The following EPHA3 variants were observed in gnomAD, a reference collection of about 807,000 sequenced individuals.
EPHA3 encodes ephrin type-A receptor 3.
A neutral mutation model predicts 107.1 loss-of-function variants in EPHA3; 42 were observed. The ratio of observed to expected loss-of-function variants is 0.39; its 90% CI spans 0.31 to 0.51. EPHA3 has a LOEUF of 0.51. Among genes scored for constraint, EPHA3 ranks in the 20% least tolerant of loss-of-function variants. The pLI, the probability that EPHA3 is intolerant of heterozygous loss-of-function variation, is 0.78. For synonymous variants in EPHA3, 461 were observed against 424.8 expected, an observed-to-expected ratio of 1.09 and a Z score of -1.05; for missense variants, 1,183 against 1,211.2, an observed-to-expected ratio of 0.98 and a Z score of 0.35.
At chr3:89,144,861 T>A (rs930693118) in intron 2 of EPHA3, among the ~76,000 whole-genome samples, 2 of 151,690 alleles carry the variant, frequency 1.3e-5, no homozygotes, top group African/African-American at 2.4e-5. Flanking sequence ...AAGTCCAGAA[T>A]AGGCATAATT....
intron 3 of EPHA3, among the ~76,000 whole-genome samples, chr3:89,257,971 C>T (rs1043833593): frequency 6.6e-5 from 10 of 152,132 alleles, no homozygotes; most frequent in Non-Finnish European, 1.0e-4. Flanking sequence ...AAATTAATTA[C>T]AAAGAGAATA....
At chr3:89,427,182 G>T (rs2107533031) in intron 11 of EPHA3, among the ~76,000 whole-genome samples, 1 of 151,924 alleles carries the variant, frequency 6.6e-6, no homozygotes, top group South Asian at 2.1e-4. Flanking sequence ...TCAAGTGGTT[G>T]TAACATGTAT....
intron 2 of EPHA3, among the ~76,000 whole-genome samples, chr3:89,134,177 C>G (rs1704262174): frequency 6.6e-6 from 1 of 151,690 alleles, no homozygotes; most frequent in East Asian, 1.9e-4. Flanking sequence ...GAATCAGCTT[C>G]TATGATCACT....
intron 10 of EPHA3, among the ~76,000 whole-genome samples, chr3:89,418,378 CTAAG>C (rs1008167127): frequency 6.6e-6 from 1 of 151,304 alleles, no homozygotes; most frequent in African/African-American, 2.4e-5. Context: ...GGTATCTGCT[CTAAG>C]TGAGCTCCAA....
intron 3 of EPHA3, among the ~76,000 whole-genome samples, chr3:89,220,041 G>T (rs1438780187): frequency 6.6e-6 from 1 of 152,062 alleles, no homozygotes; most frequent in Non-Finnish European, 1.5e-5. Context: ...GCTGAAGAAA[G>T]GGGTTGCTTA....
Position 89,144,243 on chromosome 3 carries a change from C to T in EPHA3, c.153+16970C>T, listed in dbSNP as rs562254783. On this transcript the variant is annotated intron_variant, in intron 2 of 16. Transcript: ENST00000336596. ...TGCTCCACCTACTCATTCCTTTCCT[C>T]CTCCCACTCATCCATGGCAACCACA... Among the ~76,000 whole-genome samples the T allele has an allele frequency of 3.3e-5, 5 of 151,798 alleles. No individual in the cohort carries two copies. In the South Asian group the frequency reaches 1.0e-3, roughly 31 times the overall value.
Position 89,207,225 on chromosome 3 carries a change from C to T in EPHA3, c.154-2635C>T, listed in dbSNP as rs192489302. ...GTCATGTTCCTTTGTTTGTAATTAC[C>T]GACAATTTAATAAATTAATATTTTA... On this transcript the variant is annotated intron_variant, in intron 2 of 16. Coordinates refer to ENST00000336596, the MANE Select transcript of EPHA3 (RefSeq NM_005233.6). Among the ~76,000 whole-genome samples the T allele has an allele frequency of 1.1e-3, 168 of 151,902 alleles. No homozygotes were observed. In the South Asian group the frequency reaches 0.018, roughly 16 times the overall value.
At chr3:89,268,516 G>T (rs1705588790) in intron 3 of EPHA3, among the ~76,000 whole-genome samples, 1 of 151,604 alleles carries the variant, frequency 6.6e-6, no homozygotes. Flanking sequence ...TGATATGTGT[G>T]GTCTATCTGG....
At chr3:89,134,226 A>T (rs59407555) in intron 2 of EPHA3, among the ~76,000 whole-genome samples, 15,697 of 149,390 alleles carry the variant, frequency 0.11, 829 homozygotes, top group Middle Eastern at 0.16. Context: ...TTTTTTTTTA[A>T]AAAAATTATA....
At chr3:89,362,510 C>T (rs1268716699) in intron 5 of EPHA3, among the ~76,000 whole-genome samples, 4 of 151,120 alleles carry the variant, frequency 2.6e-5, no homozygotes, top group Non-Finnish European at 5.9e-5. Flanking sequence ...TGCACACAGC[C>T]TACACTTTTT....
intron 3 of EPHA3, among the ~76,000 whole-genome samples, chr3:89,232,177 A>G (rs565331841): frequency 1.3e-5 from 2 of 152,120 alleles, no homozygotes; most frequent in Non-Finnish European, 1.5e-5. Context: ...TTGAGAGACT[A>G]AAATAACACA....
chr3:89,402,755 G>A (rs1708989437), intron 7 of EPHA3, among the ~76,000 whole-genome samples: 1 of 152,074 alleles, frequency 6.6e-6, no homozygotes, highest in South Asian at 2.1e-4. Flanking sequence ...GAATGCAGTG[G>A]TGAGATCTCA....
At chr3:89,429,602 T>C (rs2107535152) in intron 12 of EPHA3, among the ~76,000 whole-genome samples, 1 of 152,270 alleles carries the variant, frequency 6.6e-6, no homozygotes, top group East Asian at 1.9e-4. Context: ...GCTATAATGC[T>C]AAAGTATATA....
Position 89,236,891 on chromosome 3 carries a change from G to T in EPHA3, c.814+26371G>T, listed in dbSNP as rs1469732260. Among the ~76,000 whole-genome samples, 5 of 152,054 alleles carry T rather than the reference G, an allele frequency of 3.3e-5. No homozygotes were observed. The East Asian group carries it at 9.7e-4, about 29-fold the overall frequency. Reference sequence around the variant, plus strand: ...GTGTGTAGGGAGACAGGGATGAAGTGAGGAAGACAATATGATTAGATGCAT... The same window carrying T: ...GTGTGTAGGGAGACAGGGATGAAGTTAGGAAGACAATATGATTAGATGCAT... On this transcript the variant is annotated intron_variant, in intron 3 of 16. Transcript: ENST00000336596.
intron 2 of EPHA3, among the ~76,000 whole-genome samples, chr3:89,178,012 G>C (rs1705356480): frequency 6.6e-6 from 1 of 152,174 alleles, no homozygotes; most frequent in South Asian, 2.1e-4. Context: ...CAAAGTATTA[G>C]AGGAAAATCC....
intron 3 of EPHA3, among the ~76,000 whole-genome samples, chr3:89,330,723 T>A (rs1707266100): frequency 6.6e-6 from 1 of 152,144 alleles, no homozygotes; most frequent in African/African-American, 2.4e-5. Context: ...AGCAAATAAT[T>A]GCACATTGTA....
chr3:89,132,423 A>G (rs1031371835), intron 2 of EPHA3, among the ~76,000 whole-genome samples: 5 of 152,234 alleles, frequency 3.3e-5, no homozygotes, highest in Non-Finnish European at 5.9e-5. Context: ...TGTATATTAT[A>G]GTGTTATTTA....
chr3:89,440,857 C>T (rs1280311251), intron 13 of EPHA3, among the ~76,000 whole-genome samples: 1 of 152,150 alleles, frequency 6.6e-6, no homozygotes, highest in Non-Finnish European at 1.5e-5. Context: ...CGAGGTGACA[C>T]CCATGTGGAT....
intron 3 of EPHA3, among the ~76,000 whole-genome samples, chr3:89,242,477 G>T (rs1242582184): frequency 6.6e-6 from 1 of 152,022 alleles, no homozygotes; most frequent in Non-Finnish European, 1.5e-5. Flanking sequence ...TCACTCTGTC[G>T]CCCAGGCTGC....
Sources: gnomAD v4.1 joint callset for allele counts (sites outside exome capture counted in the v4.1 genomes callset) on GRCh38, gnomAD v4.1.1 for gene constraint, MANE v1.5 for transcripts, NCBI Gene and HGNC (gene_info 2026-07-23, HGNC 2026-07-21) for gene names.